Variants in CHLSN observed in about 807,000 individuals in gnomAD.
CHLSN encodes cholesin.
At chr7:1,081,083 C>T in the CHLSN span, among the ~76,000 whole-genome samples, 2 of 152,238 alleles carry the variant, frequency 1.3e-5, no homozygotes, top group Non-Finnish European at 2.9e-5. Context: ...GGGGAGCACG[C>T]CCCCCACCCG....
At chr7:1,003,960 G>A in the CHLSN span, among the ~76,000 whole-genome samples, 9 of 144,776 alleles carry the variant, frequency 6.2e-5, no homozygotes, top group Admixed American at 2.0e-4. Context: ...TGGGTGAGTG[G>A]AGTCCTGTGG....
the CHLSN span, among the ~76,000 whole-genome samples, chr7:1,128,583 G>A: frequency 0.021 from 223 of 10,494 alleles, no homozygotes; most frequent in Non-Finnish European, 0.024. Context: ...GCGCGATCTC[G>A]GCTCATCCCA....
At chr7:1,082,766 G>A in the CHLSN span, among the ~76,000 whole-genome samples, 3 of 152,248 alleles carry the variant, frequency 2.0e-5, no homozygotes, top group Non-Finnish European at 4.4e-5. Context: ...AGAGAACGCA[G>A]AGAACAGGCA....
the CHLSN span, chr7:987,252 C>CCCCG: frequency 6.6e-7 from 1 of 1,513,488 alleles, no homozygotes; most frequent in South Asian, 1.2e-5. Flanking sequence ...CAGGGTGAGA[C>CCCCG]CCCGGCGCCT....
At chr7:991,606 C>T in the CHLSN span, among the ~76,000 whole-genome samples, 170 of 152,334 alleles carry the variant, frequency 1.1e-3, 1 homozygote, top group African/African-American at 3.9e-3. Context: ...AGGCACGTCC[C>T]GGGGGCTTGC....
the CHLSN span, among the ~76,000 whole-genome samples, chr7:999,431 A>G: frequency 4.6e-5 from 7 of 151,692 alleles, no homozygotes; most frequent in African/African-American, 1.5e-4. Context: ...TAGGGCTTAC[A>G]ATCGGCTTGC....
the CHLSN span, among the ~76,000 whole-genome samples, chr7:1,089,451 G>C: frequency 7.2e-6 from 1 of 138,710 alleles, no homozygotes; most frequent in Non-Finnish European, 1.5e-5. Context: ...GCAGTGGTGT[G>C]ATCTCGGCTG....
chr7:1,018,045 G>A, the CHLSN span, among the ~76,000 whole-genome samples: 3,837 of 152,254 alleles, frequency 0.025, 148 homozygotes, highest in African/African-American at 0.083. Context: ...GGGCTCAGAC[G>A]TTCCCACACC....
the CHLSN span, chr7:986,734 G>A: frequency 3.1e-6 from 5 of 1,609,962 alleles, no homozygotes; most frequent in South Asian, 5.5e-5. Context: ...AGGCGCGGAG[G>A]CCCCACGTGT....
At chr7:1,057,954 G>A in the CHLSN span, 27 of 772,566 alleles carry the variant, frequency 3.5e-5, no homozygotes, top group East Asian at 9.7e-5. Flanking sequence ...CACGCGGCAC[G>A]TGTGCGGCTT....
chr7:1,088,689 T>C, the CHLSN span, among the ~76,000 whole-genome samples: 2 of 152,152 alleles, frequency 1.3e-5, no homozygotes, highest in Non-Finnish European at 2.9e-5. The surrounding 1 kb of genome is among the most constrained non-coding windows in gnomAD (Gnocchi z 4.5). Context: ...CCTGAAGCCC[T>C]GGGAGGGCCA....
the CHLSN span, among the ~76,000 whole-genome samples, chr7:1,090,928 C>T: frequency 6.6e-6 from 1 of 152,240 alleles, no homozygotes; most frequent in Admixed American, 6.5e-5. Flanking sequence ...TCTGTTTTAT[C>T]GTAAGAGAAG....
At chr7:1,121,592 A>C in the CHLSN span, among the ~76,000 whole-genome samples, 1 of 152,234 alleles carries the variant, frequency 6.6e-6, no homozygotes, top group African/African-American at 2.4e-5. Flanking sequence ...ACGCCGGTTC[A>C]AGCCAAGTAG....
chr7:1,068,132 C>T, the CHLSN span, among the ~76,000 whole-genome samples: 4 of 152,190 alleles, frequency 2.6e-5, no homozygotes, highest in African/African-American at 9.7e-5. Context: ...CCCACCTTAG[C>T]AGAGGGCAAA....
At chr7:1,027,985 A>C in the CHLSN span, among the ~76,000 whole-genome samples, 2 of 151,392 alleles carry the variant, frequency 1.3e-5, no homozygotes, top group South Asian at 4.2e-4. Context: ...CCACCCTGCC[A>C]CCCGCGGCCC....
chr7:1,050,718 C>G, the CHLSN span, among the ~76,000 whole-genome samples: 2 of 152,178 alleles, frequency 1.3e-5, no homozygotes, highest in Non-Finnish European at 2.9e-5. Context: ...AAGAAAAGAC[C>G]CCACCTTCTA....
At chr7:1,058,828 G>C in the CHLSN span, 1 of 383,226 alleles carries the variant, frequency 2.6e-6, no homozygotes, top group South Asian at 5.3e-5. Flanking sequence ...AGTGATGAAA[G>C]CTTAGAGCCA....
At chr7:1,051,677 T>TA in the CHLSN span, among the ~76,000 whole-genome samples, 2 of 152,086 alleles carry the variant, frequency 1.3e-5, no homozygotes, top group Non-Finnish European at 2.9e-5. Context: ...GAGAGTTATT[T>TA]AAAAAACAAA....
chr7:996,119 G>A, the CHLSN span, among the ~76,000 whole-genome samples: 939 of 152,372 alleles, frequency 6.2e-3, 13 homozygotes, highest in African/African-American at 0.021. Context: ...GTCACAGTGA[G>A]GCCAGTCACC....
Sources: allele counts gnomAD v4.1 joint callset (sites outside exome capture counted in the v4.1 genomes callset), GRCh38; gene constraint gnomAD v4.1.1; non-coding constraint Gnocchi (gnomAD v3.1); transcripts MANE v1.5; gene names NCBI Gene and HGNC (gene_info 2026-07-23, HGNC 2026-07-21).